Variants in C6orf132 observed in about 807,000 individuals in gnomAD.
C6orf132 encodes the protein uncharacterized protein C6orf132.
Under a neutral mutation model 65.3 loss-of-function variants are expected in C6orf132, and 43 were observed. The observed-to-expected ratio is 0.66, with a 90% CI of 0.52 to 0.85. The LOEUF (loss-of-function observed/expected upper bound fraction) is 0.85. Among genes scored for constraint, C6orf132 ranks in the 40% least tolerant of loss-of-function variants. The probability of loss-of-function intolerance (pLI) is 0.00; values close to 1 mark genes in which losing one functional copy is unlikely to be tolerated. For synonymous variants in C6orf132, 631 were observed against 654.1 expected, an observed-to-expected ratio of 0.96 and a Z score of 0.54; for missense variants, 1,488 against 1,548.8, an observed-to-expected ratio of 0.96 and a Z score of 0.66.
intron 1 of C6orf132, among the ~76,000 whole-genome samples, chr6:42,130,525 G>C (rs1365643032): frequency 6.6e-6 from 1 of 152,144 alleles, no homozygotes; most frequent in Non-Finnish European, 1.5e-5. Context: ...ACAGGACTGG[G>C]GTGGGGCGGG....
chr6:42,109,442 T>TAAATAAATAAATAAATAAAC (rs1338861367), intron 3 of C6orf132, among the ~76,000 whole-genome samples: 6 of 151,516 alleles, frequency 4.0e-5, no homozygotes, highest in African/African-American at 1.5e-4. Context: ...AATAAATAAA[T>TAAATAAATAAATAAATAAAC]AAATAAATAA....
intron 2 of C6orf132, among the ~76,000 whole-genome samples, chr6:42,127,619 C>T (rs990429284): frequency 2.6e-5 from 4 of 152,136 alleles, no homozygotes; most frequent in Non-Finnish European, 5.9e-5. Context: ...TCAGTCCAGG[C>T]AATACTAAAC....
intron 2 of C6orf132, among the ~76,000 whole-genome samples, chr6:42,123,098 C>T (rs1347950779): frequency 6.6e-6 from 1 of 152,156 alleles, no homozygotes; most frequent in Admixed American, 6.5e-5. Context: ...CGCAGAGGGA[C>T]AGGCCGGGCG....
chr6:42,137,776 C>A (rs376268344), intron 1 of C6orf132, among the ~76,000 whole-genome samples: 1 of 148,098 alleles, frequency 6.8e-6, no homozygotes, highest in African/African-American at 2.5e-5. Flanking sequence ...CGGTGGCTCA[C>A]GCCTGTAAAT....
Position 42,108,315 on chromosome 6 carries a change from G to A in C6orf132, c.329-732C>T, listed in dbSNP as rs564466078. Among the ~76,000 whole-genome samples the A allele has an allele frequency of 4.6e-5, 7 of 152,268 alleles. No homozygotes were observed. The East Asian group carries it at 9.6e-4, about 21-fold the overall frequency. The stretch of plus-strand genomic sequence containing the variant: ...TGCTCGCTTCTTACAGCTGTTGTGA[G>A]GATTAAATGAGAGAATCCATGCAAA... On this transcript the variant is annotated intron_variant, in intron 3 of 4. Coordinates refer to ENST00000341865, the MANE Select transcript of C6orf132 (RefSeq NM_001164446.3).
intron 2 of C6orf132, among the ~76,000 whole-genome samples, chr6:42,115,072 G>A (rs1766545176): frequency 6.7e-6 from 1 of 150,210 alleles, no homozygotes; most frequent in South Asian, 2.1e-4. Context: ...AGGCTGAGGT[G>A]GGCAGATCAC....
In C6orf132 at chr6:42,142,594, T is replaced by A; in HGVS notation, c.-150A>T. On this transcript the variant is annotated 5_prime_UTR_variant, in exon 1 of 5. Transcript: ENST00000341865. ...CGCCCGCGCACCGGGCAACAGGTGC[T>A]GCGGGCGCCGCCGCTTGCCGGGAAA... 3.3e-6 allele frequency: 1 copy of A among 305,606 alleles called. No homozygotes were observed. The highest frequency in any genetic ancestry group is 4.4e-5 in the South Asian group (1 of 22,568). The allele number at this position is 305,606 out of a possible 1,614,324, so 18.9% of individuals were successfully genotyped here. A position where few individuals can be genotyped will look rare whatever the true frequency, so the allele number is the denominator to read the frequency against.
chr6:42,132,598 C>T (rs1457674922), intron 1 of C6orf132, among the ~76,000 whole-genome samples: 2 of 150,064 alleles, frequency 1.3e-5, no homozygotes, highest in Non-Finnish European at 3.0e-5. Flanking sequence ...ACCTATAATC[C>T]CAGCACTTTG....
At position 42,124,002 on chromosome 6, in the gene C6orf132, A is replaced by T. The variant is rs1766729646; in HGVS notation, c.252+4670T>A. On this transcript the variant is annotated intron_variant, in intron 2 of 4. Transcript: ENST00000341865. The surrounding 1 kb of genome is among the most constrained non-coding windows in gnomAD (Gnocchi z 4.0). ...GGCCTGGCTTCTCCGGTGGCCCTCCAGGGAGCTGACCACACCATCTACCCT... is the reference window on the plus strand; with the variant it reads ...GGCCTGGCTTCTCCGGTGGCCCTCCTGGGAGCTGACCACACCATCTACCCT... 6.6e-6 allele frequency among the ~76,000 whole-genome samples: 1 copy of T among 152,194 alleles called. No homozygotes were observed. Among genetic ancestry groups the T allele is most frequent in the African/African-American group, 2.4e-5 (1 of 41,462 alleles).
In C6orf132 at chr6:42,128,818, C is replaced by T. The variant is rs140095835; in HGVS notation, c.146-40G>A. 4 of 1,464,502 alleles carry T rather than the reference C, an allele frequency of 2.7e-6. No homozygotes were observed. The East Asian group carries it at 9.9e-5, about 36-fold the overall frequency. The allele number at this position is 1,464,502 out of a possible 1,614,324, so 90.7% of individuals were successfully genotyped here. A position where few individuals can be genotyped will look rare whatever the true frequency, so the allele number is the denominator to read the frequency against. On this transcript the variant is annotated intron_variant, in intron 1 of 4. Transcript: ENST00000341865. ...TGAGGGGACACCATAAGCTGGAGATCCAAGGCATCCGGCCACCCAAGTTTA... is the reference window on the plus strand; with the variant it reads ...TGAGGGGACACCATAAGCTGGAGATTCAAGGCATCCGGCCACCCAAGTTTA...
intron 1 of C6orf132, among the ~76,000 whole-genome samples, chr6:42,141,905 C>T (rs1767037722): frequency 6.6e-6 from 1 of 152,148 alleles, no homozygotes; most frequent in African/African-American, 2.4e-5. Context: ...AACACTTTTG[C>T]TTCAGCCAGA....
intron 2 of C6orf132, among the ~76,000 whole-genome samples, chr6:42,127,212 CCCAAAGTGCTAGGATT>C (rs1346481628): frequency 2.0e-5 from 3 of 152,208 alleles, no homozygotes; most frequent in African/African-American, 7.2e-5. Context: ...ACCTCGGCCT[CCCAAAGTGCTAGGATT>C]CCAAGCTGAC....
In C6orf132 at chr6:42,105,871, T is replaced by A; in HGVS notation, c.2041A>T (p.Thr681Ser). 6.5e-7 allele frequency: 1 copy of A among 1,537,156 alleles called. No homozygotes were observed. The highest frequency in any genetic ancestry group is 8.7e-7 in the Non-Finnish European group (1 of 1,146,870). Residue 681 changes from threonine to serine, a missense_variant, in exon 4 of 5, where the codon ACA (threonine) becomes TCA (serine). Coordinates refer to ENST00000341865, the MANE Select transcript of C6orf132 (RefSeq NM_001164446.3). ...GGGCCAGATGTGGCCTTGAGTGGTGTGGTTGGCCCAGATGTGGCCTTGAGT... is the reference window on the plus strand; with the variant it reads ...GGGCCAGATGTGGCCTTGAGTGGTGAGGTTGGCCCAGATGTGGCCTTGAGT... ...TPLKATSGPT[T>S]PLKATSGPAI...
At position 42,101,188 on chromosome 6, in the gene C6orf132, C is replaced by T. The variant is rs1322560593; in HGVS notation, c.*2573G>A. On this transcript the variant is annotated 3_prime_UTR_variant, in exon 5 of 5. Transcript: ENST00000341865. ...ATACAAATGTGAGGTATTCATCACC[C>T]AAAGATGCCATTTGCTGAGCAACTA... 21 of 152,000 alleles carry T rather than the reference C, an allele frequency of 1.4e-4. No individual in the cohort carries two copies. The highest frequency in any genetic ancestry group is 1.2e-3 in the Admixed American group (18 of 15,256). 9.4% of individuals were successfully genotyped at this position (152,000 alleles called of 1,614,324 possible). A position where few individuals can be genotyped will look rare whatever the true frequency, so the allele number is the denominator to read the frequency against.
At chr6:42,118,512 G>A (rs1425752020) in intron 2 of C6orf132, among the ~76,000 whole-genome samples, 4 of 152,202 alleles carry the variant, frequency 2.6e-5, no homozygotes, top group East Asian at 1.9e-4. Context: ...TCAGGGGAGT[G>A]GAGTGCATGG....
intron 1 of C6orf132, among the ~76,000 whole-genome samples, chr6:42,132,712 G>T (rs550797479): frequency 1.3e-5 from 2 of 151,354 alleles, no homozygotes; most frequent in Non-Finnish European, 2.9e-5. Context: ...GCCGGATGTG[G>T]TGGTGGGCAC....
chr6:42,107,695 C>T lies in C6orf132; in HGVS notation c.329-112G>A, dbSNP rs918237192. On this transcript the variant is annotated intron_variant, in intron 3 of 4. Transcript: ENST00000341865. ...TGGGCACCCAAGAGAATGACTGGAT[C>T]ATTTTCTCCTGAACACCAAGAGAGG... 8.5e-6 allele frequency: 11 copies of T among 1,290,966 alleles called. No homozygotes were observed. In the African/African-American group the frequency reaches 1.6e-4, roughly 19 times the overall value. 80.0% of individuals were successfully genotyped at this position (1,290,966 alleles called of 1,614,324 possible).
In C6orf132 at chr6:42,102,555, C is replaced by T. The variant is rs1262959958; in HGVS notation, c.*1206G>A. Reference sequence around the variant, plus strand: ...TCCCCTGCTCTTAACTGGCCCAATCCTAGCACTCTTTTTTTTTTTTTTTCC... The same window carrying T: ...TCCCCTGCTCTTAACTGGCCCAATCTTAGCACTCTTTTTTTTTTTTTTTCC... On this transcript the variant is annotated 3_prime_UTR_variant, in exon 5 of 5. Coordinates refer to ENST00000341865, the MANE Select transcript of C6orf132 (RefSeq NM_001164446.3). The T allele has an allele frequency of 6.9e-6, 1 of 145,688 alleles. No individual in the cohort carries two copies. The highest frequency in any genetic ancestry group is 2.7e-5 in the African/African-American group (1 of 37,052). 9.0% of individuals were successfully genotyped at this position (145,688 alleles called of 1,614,324 possible). A position where few individuals can be genotyped will look rare whatever the true frequency, so the allele number is the denominator to read the frequency against.
At position 42,110,104 on chromosome 6, in the gene C6orf132, G is replaced by A. The variant is rs536351908; in HGVS notation, c.328+112C>T. The A allele has an allele frequency of 7.8e-5, 65 of 829,502 alleles. No homozygotes were observed. In the Admixed American group the frequency reaches 1.1e-3, roughly 14 times the overall value. The allele number at this position is 829,502 out of a possible 1,614,324, so 51.4% of individuals were successfully genotyped here. On this transcript the variant is annotated intron_variant, in intron 3 of 4. Coordinates refer to ENST00000341865, the MANE Select transcript of C6orf132 (RefSeq NM_001164446.3). ...GAGGATGGCGAGAGTGGCTGTGCCTGAGGACTCTGGCTTTGTCACCAGCTG... is the reference window on the plus strand; with the variant it reads ...GAGGATGGCGAGAGTGGCTGTGCCTAAGGACTCTGGCTTTGTCACCAGCTG...
Sources: gnomAD v4.1 joint callset for allele counts (sites outside exome capture counted in the v4.1 genomes callset) on GRCh38, gnomAD v4.1.1 for gene constraint, Gnocchi (gnomAD v3.1) non-coding constraint, MANE v1.5 for transcripts, NCBI Gene and HGNC (gene_info 2026-07-23, HGNC 2026-07-21) for gene names.